The following STPG4 variants were observed in gnomAD, a reference collection of about 807,000 sequenced individuals.
The protein encoded by STPG4 is protein STPG4.
A neutral mutation model predicts 31.5 loss-of-function variants in STPG4; 41 were observed. That is an observed-to-expected ratio of 1.30 (90% CI 1.01 to 1.69). The LOEUF is 1.69. Among genes scored for constraint, STPG4 ranks in the 40% most tolerant of loss-of-function variants. The probability of loss-of-function intolerance (pLI) is 0.00; values close to 1 mark genes in which losing one functional copy is unlikely to be tolerated. For missense variants in STPG4, 375 were observed against 293.4 expected, an observed-to-expected ratio of 1.28 and a Z score of -2.03; for synonymous variants, 141 against 103.0, an observed-to-expected ratio of 1.37 and a Z score of -2.24.
chr2:47,136,116 A>G (rs559758510), intron 3 of STPG4, among the ~76,000 whole-genome samples: 4 of 152,266 alleles, frequency 2.6e-5, no homozygotes, highest in African/African-American at 9.6e-5. Context: ...TCCACGGGAA[A>G]TCTCTTCATT....
chr2:47,095,806 G>A (rs900661079), intron 5 of STPG4, among the ~76,000 whole-genome samples: 1 of 152,118 alleles, frequency 6.6e-6, no homozygotes, highest in Non-Finnish European at 1.5e-5. Flanking sequence ...GTGGCTGCAG[G>A]ACTAATCCTG....
chr2:47,099,603 C>T (rs942487250), intron 5 of STPG4, among the ~76,000 whole-genome samples: 1 of 152,280 alleles, frequency 6.6e-6, no homozygotes, highest in Admixed American at 6.5e-5. Flanking sequence ...CTCTCGGCGC[C>T]TCCTCTGCCT....
intron 5 of STPG4, among the ~76,000 whole-genome samples, chr2:47,115,544 G>C (rs769815859): frequency 6.6e-6 from 1 of 151,850 alleles, no homozygotes; most frequent in Non-Finnish European, 1.5e-5. Context: ...TTCTGAGGAT[G>C]CTAATTGTAT....
chr2:47,141,454 T>G (rs1686702798), intron 3 of STPG4, among the ~76,000 whole-genome samples: 2 of 152,270 alleles, frequency 1.3e-5, no homozygotes, highest in African/African-American at 4.8e-5. Flanking sequence ...ATAAATTCTC[T>G]GTATCCAGCT....
intron 3 of STPG4, among the ~76,000 whole-genome samples, chr2:47,145,741 A>G (rs941963383): frequency 1.1e-4 from 16 of 152,246 alleles, no homozygotes; most frequent in Non-Finnish European, 4.4e-5. Flanking sequence ...ACAGAGATAT[A>G]ATAATGAGCA....
chr2:47,102,014 G>A (rs1033483401), intron 5 of STPG4, among the ~76,000 whole-genome samples: 1 of 151,882 alleles, frequency 6.6e-6, no homozygotes, highest in African/African-American at 2.4e-5. Flanking sequence ...AGGCAAGGGT[G>A]CAGGTTTTCG....
At chr2:47,144,022 C>G (rs1178764147) in intron 3 of STPG4, among the ~76,000 whole-genome samples, 2 of 152,214 alleles carry the variant, frequency 1.3e-5, no homozygotes, top group African/African-American at 4.8e-5. Flanking sequence ...CCCTGTCCCA[C>G]TAACTGTAGA....
At chr2:47,122,156 CTATT>C (rs946781327) in intron 5 of STPG4, among the ~76,000 whole-genome samples, 5 of 152,050 alleles carry the variant, frequency 3.3e-5, no homozygotes, top group African/African-American at 1.2e-4. Flanking sequence ...TATGAATTGT[CTATT>C]TATGTCCTTT....
At chr2:47,097,042 C>T (rs1685685418) in intron 5 of STPG4, among the ~76,000 whole-genome samples, 1 of 152,040 alleles carries the variant, frequency 6.6e-6, no homozygotes, top group African/African-American at 2.4e-5. Context: ...AGGGAGGACA[C>T]AGGTGGACAG....
intron 5 of STPG4, among the ~76,000 whole-genome samples, chr2:47,123,919 A>G (rs769815583): frequency 6.6e-6 from 1 of 152,158 alleles, no homozygotes; most frequent in Non-Finnish European, 1.5e-5. Context: ...CCATCACCTC[A>G]AGCATTTATC....
At chr2:47,102,498 T>G (rs1685821338) in intron 5 of STPG4, among the ~76,000 whole-genome samples, 1 of 151,890 alleles carries the variant, frequency 6.6e-6, no homozygotes, top group African/African-American at 2.4e-5. Context: ...AGCTTGACCT[T>G]TTCTGTAAGA....
At chr2:47,153,941 TCTATACC>T (rs1686982332) in intron 1 of STPG4, among the ~76,000 whole-genome samples, 1 of 152,252 alleles carries the variant, frequency 6.6e-6, no homozygotes, top group Non-Finnish European at 1.5e-5. Flanking sequence ...TATTTAGTAC[TCTATACC>T]CATTCATCCA....
chr2:47,103,119 G>A (rs1573155967), intron 5 of STPG4, among the ~76,000 whole-genome samples: 1 of 151,954 alleles, frequency 6.6e-6, no homozygotes, highest in Admixed American at 6.5e-5. Context: ...GATCCCCACT[G>A]GGACCTTGAC....
At chr2:47,118,853 T>C (rs1199729778) in intron 5 of STPG4, among the ~76,000 whole-genome samples, 1 of 152,230 alleles carries the variant, frequency 6.6e-6, no homozygotes, top group Non-Finnish European at 1.5e-5. Flanking sequence ...AAGATCATTA[T>C]CAAAGTTAAC....
At position 47,096,291 on chromosome 2, in the gene STPG4, G is replaced by A. The variant is rs574293711; in HGVS notation, c.520-5917C>T. 7.2e-5 allele frequency among the ~76,000 whole-genome samples: 11 copies of A among 152,256 alleles called. No homozygotes were observed. The South Asian group carries it at 2.1e-3, about 29-fold the overall frequency. The stretch of plus-strand genomic sequence containing the variant: ...AGCACCTCAGAGAGTAAACCCATCT[G>A]GTCCAAGGGGTCCGAGACGCCTCTC... On this transcript the variant is annotated intron_variant, in intron 5 of 6. Transcript: ENST00000445927.
At position 47,130,180 on chromosome 2, in the gene STPG4, A is replaced by T. The variant is rs554970924; in HGVS notation, c.464+16T>A. On this transcript the variant is annotated intron_variant, in intron 4 of 6. Coordinates refer to ENST00000445927, the MANE Select transcript of STPG4 (RefSeq NM_001163561.2). ...TGTAAACAGAAAGGCAGCTTATTTA[A>T]TAAGTATATAATTACCTGGAAGCAT... The T allele has an allele frequency of 3.7e-5, 60 of 1,607,454 alleles. No individual in the cohort carries two copies. Among genetic ancestry groups the T allele is most frequent in the East Asian group, 2.2e-4 (10 of 44,840 alleles).
intron 5 of STPG4, among the ~76,000 whole-genome samples, chr2:47,112,956 C>T (rs979919404): frequency 1.5e-5 from 2 of 131,662 alleles, no homozygotes; most frequent in South Asian, 2.3e-4. Flanking sequence ...TATGTCACTG[C>T]GCTCCAGCCT....
At chr2:47,127,085 C>G (rs992053604) in intron 5 of STPG4, among the ~76,000 whole-genome samples, 1 of 151,692 alleles carries the variant, frequency 6.6e-6, no homozygotes, top group Non-Finnish European at 1.5e-5. Context: ...TGTTATTATC[C>G]CTTTGAATAA....
intron 5 of STPG4, among the ~76,000 whole-genome samples, chr2:47,101,825 C>T (rs1229840791): frequency 6.6e-6 from 1 of 151,900 alleles, no homozygotes; most frequent in Non-Finnish European, 1.5e-5. Flanking sequence ...GATCCCTTCC[C>T]TCCCTCAGGG....
Sources: allele counts gnomAD v4.1 joint callset (sites outside exome capture counted in the v4.1 genomes callset), GRCh38; gene constraint gnomAD v4.1.1; transcripts MANE v1.5; gene names NCBI Gene and HGNC (gene_info 2026-07-23, HGNC 2026-07-21).